TNIK: variants seen among roughly 807,000 people sequenced by gnomAD.
The protein encoded by TNIK is TRAF2 and NCK-interacting protein kinase.
TNIK carries 49 observed loss-of-function variants against 191.3 expected under a neutral mutation model. The observed-to-expected ratio is 0.26, with a 90% CI of 0.20 to 0.32. TNIK has a LOEUF of 0.32. Ranked by LOEUF, TNIK falls within the 10% of genes least tolerant of loss-of-function variation. The pLI is 1.00. For missense variants in TNIK, 1,155 were observed against 1,702.3 expected (o/e 0.68, Z 5.66); for synonymous variants, 594 against 600.9 (o/e 0.99, Z 0.17).
intron 2 of TNIK, among the ~76,000 whole-genome samples, chr3:171,327,900 T>TAAAAAAAAAAAAAAAAAAAAAAAAAAAA (rs71634497): frequency 3.8e-5 from 3 of 79,622 alleles, no homozygotes; most frequent in Non-Finnish European, 5.2e-5. Flanking sequence ...ACCTGGCTCA[T>TAAAAAAAAAAAAAAAAAAAAAAAAAAAA]AAAAAAAAAA....
At chr3:171,142,902 C>T (rs1731042562) in intron 12 of TNIK, among the ~76,000 whole-genome samples, 1 of 152,196 alleles carries the variant, frequency 6.6e-6, no homozygotes, top group South Asian at 2.1e-4. Context: ...GGAAAATAAT[C>T]AAGCCCTTTG....
rs138438854 is a variant in TNIK, at chr3:171,194,511, C to T, written c.417+14G>A. On this transcript the variant is annotated intron_variant, in intron 5 of 32. Transcript: ENST00000436636. ...AGACTTTGGGAGGTGGGCCAGTCCC[C>T]ACTCGTAACCTACCCGTAAGATTTC... 248 of 1,610,774 alleles carry T rather than the reference C, an allele frequency of 1.5e-4. No individual in the cohort carries two copies. Among genetic ancestry groups the T allele is most frequent in the Non-Finnish European group, 1.9e-4 (229 of 1,177,678 alleles).
rs75848985 is a variant in TNIK at position 171,350,045 on chromosome 3, G to T, written c.123+19575C>A. Among the ~76,000 whole-genome samples, 3,402 of 151,218 alleles carry T rather than the reference G, an allele frequency of 0.022. 157 individuals carry two copies. The East Asian group carries it at 0.23, about 10-fold the overall frequency. ...TCAATGAACATATAGAAGAATTACAGAACAAACAAGACATAAAATACAACA... is the reference window on the plus strand; with the variant it reads ...TCAATGAACATATAGAAGAATTACATAACAAACAAGACATAAAATACAACA... On this transcript the variant is annotated intron_variant, in intron 2 of 32. Transcript: ENST00000436636.
At chr3:171,379,358 A>G (rs1050232261) in intron 1 of TNIK, among the ~76,000 whole-genome samples, 2 of 152,230 alleles carry the variant, frequency 1.3e-5, no homozygotes, top group Non-Finnish European at 2.9e-5. Flanking sequence ...GAACAATCCA[A>G]GGACTTCTTG....
intron 20 of TNIK, among the ~76,000 whole-genome samples, chr3:171,107,628 A>G (rs1202402188): frequency 6.6e-6 from 1 of 152,258 alleles, no homozygotes; most frequent in South Asian, 2.1e-4. Context: ...AGTTTGGTCC[A>G]GAAAATATAG....
chr3:171,395,948 A>T (rs1720180446), intron 1 of TNIK, among the ~76,000 whole-genome samples: 1 of 152,146 alleles, frequency 6.6e-6, no homozygotes, highest in Non-Finnish European at 1.5e-5. Context: ...ATTAAGATAT[A>T]ATTCATAAAC....
chr3:171,384,866 T>C (rs1718526799), intron 1 of TNIK, among the ~76,000 whole-genome samples: 1 of 152,236 alleles, frequency 6.6e-6, no homozygotes, highest in South Asian at 2.1e-4. Flanking sequence ...CTAATATTTT[T>C]TAGCCTTTGG....
intron 4 of TNIK, among the ~76,000 whole-genome samples, chr3:171,210,294 T>C (rs970941239): frequency 3.3e-5 from 5 of 152,132 alleles, no homozygotes; most frequent in Admixed American, 2.0e-4. Context: ...GAGGTAATTA[T>C]AAAATTGGCA....
intron 2 of TNIK, among the ~76,000 whole-genome samples, chr3:171,352,712 G>A (rs1428554097): frequency 6.6e-6 from 1 of 152,112 alleles, no homozygotes; most frequent in Non-Finnish European, 1.5e-5. Flanking sequence ...AGAATAAACA[G>A]TCTTAAGATA....
intron 32 of TNIK, 48 bp from the exon 33 acceptor site, chr3:171,064,012 C>G (rs749886771): frequency 1.9e-6 from 3 of 1,566,144 alleles, no homozygotes; most frequent in Non-Finnish European, 2.6e-6. Flanking sequence ...GTCTTTTCCC[C>G]TCTTTTCTTC....
At chr3:171,433,439 C>T (rs1190655357) in intron 1 of TNIK, among the ~76,000 whole-genome samples, 6 of 152,048 alleles carry the variant, frequency 3.9e-5, no homozygotes, top group Admixed American at 3.9e-4. Flanking sequence ...AAACAAAACA[C>T]CTTATGAAAC....
chr3:171,435,548 T>C (rs149753723), intron 1 of TNIK, among the ~76,000 whole-genome samples: 9 of 152,362 alleles, frequency 5.9e-5, no homozygotes, highest in African/African-American at 2.2e-4. Context: ...AGAATGTCCT[T>C]AATCCTAGTC....
At chr3:171,096,351 G>T (rs969141205) in intron 22 of TNIK, among the ~76,000 whole-genome samples, 2 of 151,846 alleles carry the variant, frequency 1.3e-5, no homozygotes, top group Non-Finnish European at 2.9e-5. Flanking sequence ...ACACAAATCT[G>T]ACCAAGTCCG....
At position 171,125,991 on chromosome 3, in the gene TNIK, T is replaced by C; in HGVS notation, c.1934A>G (p.Glu645Gly). Reference protein sequence around the residue: ...MPRQNSDPTSENPPLPTRIEK... With the variant: ...MPRQNSDPTSGNPPLPTRIEK... ...AATGCGAGTGGGGAGAGGAGGATTT[T>C]CCGAGGTGGGATCTGAGTTCTGGCG... The change falls in exon 17 of 33, where the codon GAA becomes GGA. Residue 645 changes from glutamate (E) to glycine (G), a missense_variant. By Grantham distance (98) the Glu-to-Gly change is moderately conservative (BLOSUM62 -2). This residue lies in a region of TNIK where 735 missense variants were observed against 848.0 expected (regional missense o/e 0.87). Transcript: ENST00000436636. 2 of 1,613,986 alleles carry C rather than the reference T, an allele frequency of 1.2e-6. No individual in the cohort carries two copies. Among genetic ancestry groups the C allele is most frequent in the South Asian group, 2.2e-5 (2 of 91,078 alleles).
chr3:171,361,327 G>GT (rs1714936506), intron 2 of TNIK, among the ~76,000 whole-genome samples: 2 of 152,302 alleles, frequency 1.3e-5, no homozygotes, highest in Middle Eastern at 3.4e-3. Context: ...ATCCCACACA[G>GT]TCCCTGTATC....
At chr3:171,183,943 A>G (rs988777973) in intron 7 of TNIK, among the ~76,000 whole-genome samples, 36 of 139,604 alleles carry the variant, frequency 2.6e-4, no homozygotes, top group Non-Finnish European at 4.7e-4. Flanking sequence ...AAAAAAAAAA[A>G]GGCCCCAAAT....
chr3:171,092,915 A>C (rs1722246208), intron 23 of TNIK, among the ~76,000 whole-genome samples: 1 of 152,266 alleles, frequency 6.6e-6, no homozygotes. Flanking sequence ...GGTGATAACA[A>C]GTAAAAGGAG....
chr3:171,446,051 GCTGAA>G (rs891273653), intron 1 of TNIK, among the ~76,000 whole-genome samples: 16 of 152,152 alleles, frequency 1.1e-4, no homozygotes, highest in Non-Finnish European at 2.1e-4. Context: ...CTGCCATCAG[GCTGAA>G]CTGAAATGCA....
chr3:171,179,237 T>C (rs1204259797), intron 7 of TNIK, among the ~76,000 whole-genome samples: 1 of 152,234 alleles, frequency 6.6e-6, no homozygotes, highest in African/African-American at 2.4e-5. Flanking sequence ...CTCTTTGTTA[T>C]GTTTCAAGAT....
Sources: allele counts gnomAD v4.1 joint callset (sites outside exome capture counted in the v4.1 genomes callset), GRCh38; gene constraint gnomAD v4.1.1; regional missense constraint gnomAD v4.1.1; transcripts MANE v1.5; gene names NCBI Gene and HGNC (gene_info 2026-07-23, HGNC 2026-07-21).